Variants in RHCG observed in about 807,000 individuals in gnomAD.
RHCG encodes Rh family C glycoprotein, also known as ammonium transporter Rh type C.
RHCG carries 39 observed loss-of-function variants against 55.3 expected under a neutral mutation model. That is an observed-to-expected ratio of 0.70 (90% confidence interval 0.55 to 0.92). The LOEUF is 0.92. RHCG is among the 40% of genes least tolerant of loss of function. The pLI, the probability that RHCG is intolerant of heterozygous loss-of-function variation, is 0.00. For missense variants in RHCG, 635 were observed against 627.9 expected, an observed-to-expected ratio of 1.01 and a Z score of -0.12; for synonymous variants, 250 against 246.8, an observed-to-expected ratio of 1.01 and a Z score of -0.12.
rs1162468944 is a variant in RHCG at position 89,472,830 on chromosome 15, CA to C, written c.1344del (p.Glu449ArgfsTer55). ...MPEGNSTVYI[P>X]EDPTFKPSGP... is the part of the protein sequence containing the mutation. ...CCTGAGGGCTTGAAGGTGGGGTCCT[CA>C]GGGATGTAGACAGTGCTGTTCCCTT... On this transcript the variant is annotated frameshift_variant, in exon 10 of 11. Transcript: ENST00000268122. LOFTEE classifies it high-confidence loss of function. The C allele has an allele frequency of 2.6e-6, 4 of 1,545,318 alleles. No individual in the cohort carries two copies. In the African/African-American group the frequency reaches 5.5e-5, roughly 21 times the overall value.
intron 1 of RHCG, 22 bp from the exon 2 acceptor site, chr15:89,487,007 G>C: frequency 2.6e-6 from 4 of 1,532,240 alleles, no homozygotes; most frequent in Non-Finnish European, 3.5e-6. Context: ...GTGCAGCCCG[G>C]GACTCGGTGG....
intron 3 of RHCG, among the ~76,000 whole-genome samples, chr15:89,482,513 G>A (rs890039787): frequency 6.6e-6 from 1 of 152,192 alleles, no homozygotes; most frequent in Admixed American, 6.5e-5. Flanking sequence ...ATCCCCTACT[G>A]TCCAAAGGCA....
intron 1 of RHCG, among the ~76,000 whole-genome samples, chr15:89,489,242 C>T (rs920211190): frequency 1.3e-5 from 2 of 152,014 alleles, no homozygotes; most frequent in African/African-American, 4.8e-5. Flanking sequence ...TCAGCCTCTG[C>T]AGCAGCTGGG....
At chr15:89,479,280 C>T in intron 5 of RHCG, 42 bp downstream of exon 5, 1 of 1,586,072 alleles carries the variant, frequency 6.3e-7, no homozygotes, top group Non-Finnish European at 8.6e-7. Context: ...GCCCTCCAGG[C>T]CCAGGCAGTC....
rs778060424 is a variant in RHCG, at chr15:89,486,599, A to AGTGTGTGTGT, written c.371+190_371+199dup. On this transcript the variant is annotated intron_variant, in intron 2 of 10. Transcript: ENST00000268122. ...GAGAGAGAGAGAGAGAGAGAGAGAG[A>AGTGTGTGTGT]GTGTGTGTGTGTGTGTGTGTGTGTG... The AGTGTGTGTGT allele has an allele frequency of 3.6e-3, 941 of 263,414 alleles. 4 individuals are homozygous for AGTGTGTGTGT. Among genetic ancestry groups the AGTGTGTGTGT allele is most frequent in the African/African-American group, 0.01 (227 of 21,976 alleles). The allele number at this position is 263,414 out of a possible 1,614,324, so 16.3% of individuals were successfully genotyped here. A position where few individuals can be genotyped will look rare whatever the true frequency, so the allele number is the denominator to read the frequency against.
chr15:89,475,122 A>C (rs1292399901), intron 9 of RHCG, among the ~76,000 whole-genome samples: 145 of 38,280 alleles, frequency 3.8e-3, no homozygotes, highest in African/African-American at 4.9e-3. Context: ...GCCTGCCTTC[A>C]TTCATTCCTG....
At chr15:89,475,821 G>C (rs558537245) in intron 9 of RHCG, among the ~76,000 whole-genome samples, 3 of 152,298 alleles carry the variant, frequency 2.0e-5, no homozygotes, top group Admixed American at 2.0e-4. Context: ...TGCTGTCAAA[G>C]CTCCCTAGGT....
At chr15:89,485,017 G>A (rs1016034218) in intron 2 of RHCG, among the ~76,000 whole-genome samples, 1 of 152,080 alleles carries the variant, frequency 6.6e-6, no homozygotes, top group African/African-American at 2.4e-5. Context: ...TCAGGTCTGG[G>A]GACAATATGC....
chr15:89,485,040 C>T (rs9652514), intron 2 of RHCG, among the ~76,000 whole-genome samples: 1 of 152,058 alleles, frequency 6.6e-6, no homozygotes, highest in Non-Finnish European at 1.5e-5. Flanking sequence ...ATCCCAGCCC[C>T]GGGCACCAGA....
intron 2 of RHCG, among the ~76,000 whole-genome samples, chr15:89,483,634 G>A (rs985773793): frequency 6.6e-6 from 1 of 152,110 alleles, no homozygotes. Context: ...CCAACCAGAT[G>A]CAGTTTCTGC....
intron 5 of RHCG, among the ~76,000 whole-genome samples, chr15:89,478,453 TACA>T (rs1272944348): frequency 6.6e-6 from 1 of 152,174 alleles, no homozygotes; most frequent in African/African-American, 2.4e-5. Flanking sequence ...TTTCCATCTC[TACA>T]ACAAGTCTGC....
At chr15:89,480,638 C>A (rs1453297685) in intron 3 of RHCG, among the ~76,000 whole-genome samples, 2 of 152,202 alleles carry the variant, frequency 1.3e-5, no homozygotes, top group East Asian at 3.8e-4. Context: ...TTTGGTTGTT[C>A]CCAGATGGGG....
Position 89,496,479 on chromosome 15 carries a change from C to G in RHCG, c.66G>C (p.Met22Ile), listed in dbSNP as rs760585727. 1.2e-6 allele frequency: 2 copies of G among 1,613,948 alleles called. No homozygotes were observed. Among genetic ancestry groups the G allele is most frequent in the South Asian group, 2.2e-5 (2 of 91,090 alleles). Residue 22 changes from methionine to isoleucine, a missense_variant, in exon 1 of 11, where the codon ATG (methionine) becomes ATC (isoleucine). Coordinates refer to ENST00000268122, the MANE Select transcript of RHCG (RefSeq NM_016321.3). ...GCACGAACACCCCGAAGAGAATCAC[C>G]ATAATCACCTGCAGGAGCAGGCAGG... ...PLTCLLLQVI[M>I]VILFGVFVRY...
At chr15:89,481,350 C>T (rs1293514905) in intron 3 of RHCG, among the ~76,000 whole-genome samples, 2 of 151,462 alleles carry the variant, frequency 1.3e-5, no homozygotes, top group East Asian at 1.9e-4. Context: ...CTTGGGAGGC[C>T]GAGGCATGAG....
chr15:89,483,884 C>G (rs762487190), intron 2 of RHCG, among the ~76,000 whole-genome samples: 1 of 152,152 alleles, frequency 6.6e-6, no homozygotes, highest in South Asian at 2.1e-4. Flanking sequence ...AAGCCTGGAC[C>G]CTGAACACCC....
intron 9 of RHCG, among the ~76,000 whole-genome samples, chr15:89,474,500 G>C (rs1436048245): frequency 2.0e-5 from 3 of 152,182 alleles, no homozygotes; most frequent in Non-Finnish European, 4.4e-5. Flanking sequence ...GGCATGAGGG[G>C]AGTCCTGCCA....
intron 1 of RHCG, among the ~76,000 whole-genome samples, chr15:89,495,164 T>A (rs1023282725): frequency 6.6e-6 from 1 of 152,200 alleles, no homozygotes; most frequent in African/African-American, 2.4e-5. Context: ...AGGCACCAAG[T>A]AACTATTAAA....
Position 89,471,714 on chromosome 15 carries a change from T to G in RHCG, c.*166A>C, listed in dbSNP as rs2072693. 90,811 of 152,756 alleles carry G rather than the reference T, an allele frequency of 0.59. 28,424 individuals carry two copies. The highest frequency in any genetic ancestry group is 0.81 in the African/African-American group (33,460 of 41,488). The allele number at this position is 152,756 out of a possible 1,614,324, so 9.5% of individuals were successfully genotyped here. On this transcript the variant is annotated 3_prime_UTR_variant, in exon 11 of 11. Transcript: ENST00000268122. ...GTAGCTTCTCCTTCTCCATTCTCAG[T>G]CAGACCCCCTGGGATGAAGGGGAGG... is the stretch of plus-strand genomic sequence containing the variant.
intron 1 of RHCG, among the ~76,000 whole-genome samples, 154 bp from the exon 2 acceptor site, chr15:89,487,139 C>T (rs949738235): frequency 1.3e-5 from 2 of 152,164 alleles, no homozygotes; most frequent in African/African-American, 4.8e-5. Context: ...CCCACCCCCA[C>T]CCCCACATCT....
Sources: allele counts gnomAD v4.1 joint callset (sites outside exome capture counted in the v4.1 genomes callset), GRCh38; gene constraint gnomAD v4.1.1; transcripts MANE v1.5; gene names NCBI Gene and HGNC (gene_info 2026-07-23, HGNC 2026-07-21).